Variants in IQCB1 observed in about 807,000 individuals in gnomAD.
IQCB1 encodes IQ calmodulin-binding motif-containing protein 1.
Under a neutral mutation model 84.4 loss-of-function variants are expected in IQCB1, and 56 were observed. The ratio of observed to expected loss-of-function variants is 0.66; its 90% CI spans 0.54 to 0.83. IQCB1 has a LOEUF of 0.83. Ranked by LOEUF, IQCB1 falls within the 40% of genes least tolerant of loss-of-function variation. The pLI is 0.00. For missense variants in IQCB1, 629 were observed against 682.1 expected, an observed-to-expected ratio of 0.92 and a Z score of 0.87; for synonymous variants, 210 against 234.8, an observed-to-expected ratio of 0.89 and a Z score of 0.96.
chr3:121,832,890 CTA>C (rs1332608825), intron 2 of IQCB1, among the ~76,000 whole-genome samples: 1 of 152,108 alleles, frequency 6.6e-6, no homozygotes, highest in Non-Finnish European at 1.5e-5. Flanking sequence ...CATAAGGTAA[CTA>C]GTTATGAATA....
In IQCB1 at chr3:121,828,481, T is replaced by C. The variant is rs200461388; in HGVS notation, c.252A>G (p.Thr84=). Residue 84 remains threonine (T), a synonymous_variant, in exon 4 of 15, where the codon ACA becomes ACG. Coordinates refer to ENST00000310864, the MANE Select transcript of IQCB1 (RefSeq NM_001023570.4). ...CTGCTTTATTTTACCTTAATATCTG[T>C]GTAAGCTGGGAAATTGTAGTCCAAC... ...QGGWTTISQL[T]QILSHCCVGL... The C allele has an allele frequency of 4.3e-6, 7 of 1,612,680 alleles. No individual in the cohort carries two copies. Among genetic ancestry groups the C allele is most frequent in the East Asian group, 2.2e-5 (1 of 44,796 alleles).
At chr3:121,780,605 T>C (rs1948429164) in intron 13 of IQCB1, among the ~76,000 whole-genome samples, 1 of 152,242 alleles carries the variant, frequency 6.6e-6, no homozygotes, top group South Asian at 2.1e-4. Context: ...AGACTAAGCT[T>C]TGCTATCCAA....
chr3:121,806,947 C>A (rs553160303), intron 7 of IQCB1, among the ~76,000 whole-genome samples: 24 of 152,018 alleles, frequency 1.6e-4, no homozygotes, highest in African/African-American at 5.3e-4. Flanking sequence ...TGTAAAAATA[C>A]CAAGCTTGAA....
chr3:121,803,833 T>G (rs1949503823), intron 7 of IQCB1, among the ~76,000 whole-genome samples: 1 of 152,206 alleles, frequency 6.6e-6, no homozygotes, highest in Non-Finnish European at 1.5e-5. Flanking sequence ...ACTTGTGTCT[T>G]TATATCTAAG....
rs149962093 is a variant in IQCB1, at chr3:121,785,708, A to G, written c.1278+2576T>C. On this transcript the variant is annotated intron_variant, in intron 12 of 14. Transcript: ENST00000310864. ...ATCAATATAAAAAAGTATTACTGAGATACTTTACACTTCTTTTTCATGCTA... is the reference window on the plus strand; with the variant it reads ...ATCAATATAAAAAAGTATTACTGAGGTACTTTACACTTCTTTTTCATGCTA... 2.0e-5 allele frequency among the ~76,000 whole-genome samples: 3 copies of G among 152,316 alleles called. No individual in the cohort carries two copies. The East Asian group carries it at 5.8e-4, about 29-fold the overall frequency.
rs753277425 is a variant in IQCB1 at position 121,835,021 on chromosome 3, A to G, written c.-157T>C. On this transcript the variant is annotated 5_prime_UTR_variant, in exon 1 of 15. Transcript: ENST00000310864. ...GAACCTGGGGCTCCCACGCCGCACT[A>G]CAGCGCCGCGGCCTTCCGGGGCAGC... 35 of 553,284 alleles carry G rather than the reference A, an allele frequency of 6.3e-5. No individual in the cohort carries two copies. The highest frequency in any genetic ancestry group is 9.8e-5 in the Non-Finnish European group (30 of 307,194). The allele number at this position is 553,284 out of a possible 1,614,324, so 34.3% of individuals were successfully genotyped here. A position where few individuals can be genotyped will look rare whatever the true frequency, so the allele number is the denominator to read the frequency against.
intron 5 of IQCB1, among the ~76,000 whole-genome samples, chr3:121,813,987 A>G (rs955522490): frequency 1.3e-5 from 2 of 152,200 alleles, no homozygotes; most frequent in South Asian, 2.1e-4. Context: ...TTAGCACCAC[A>G]TCGCACTTAT....
At position 121,819,737 on chromosome 3, in the gene IQCB1, C is replaced by T. The variant is rs533099966; in HGVS notation, c.393+6314G>A. The stretch of plus-strand genomic sequence containing the variant: ...TGAATGATTTTTACTCATGAGTAAT[C>T]TAACTCTATAGTGTTGCCATCCAAT... On this transcript the variant is annotated intron_variant, in intron 5 of 14. Coordinates refer to ENST00000310864, the MANE Select transcript of IQCB1 (RefSeq NM_001023570.4). Among the ~76,000 whole-genome samples the T allele has an allele frequency of 2.0e-5, 3 of 152,206 alleles. No homozygotes were observed. The East Asian group carries it at 5.8e-4, about 29-fold the overall frequency.
At chr3:121,809,488 T>C (rs1949742907) in intron 5 of IQCB1, among the ~76,000 whole-genome samples, 1 of 152,100 alleles carries the variant, frequency 6.6e-6, no homozygotes, top group Non-Finnish European at 1.5e-5. Flanking sequence ...GCATTATTAA[T>C]AGTGTATTTC....
chr3:121,831,869 A>C (rs577311418), intron 2 of IQCB1, among the ~76,000 whole-genome samples: 1 of 152,368 alleles, frequency 6.6e-6, no homozygotes, highest in East Asian at 1.9e-4. Flanking sequence ...AGTAGTCACA[A>C]AACTTTCAAA....
chr3:121,821,898 A>G (rs775090492), intron 5 of IQCB1, among the ~76,000 whole-genome samples: 1 of 152,228 alleles, frequency 6.6e-6, no homozygotes. Flanking sequence ...TAACATTTAA[A>G]TTTTTAGTCT....
intron 10 of IQCB1, among the ~76,000 whole-genome samples, chr3:121,793,203 C>G (rs1949062013): frequency 6.6e-6 from 1 of 152,176 alleles, no homozygotes; most frequent in African/African-American, 2.4e-5. Flanking sequence ...TGTGAGGTTT[C>G]TCTAAGATAA....
chr3:121,801,444 T>C (rs1281295853), intron 7 of IQCB1, among the ~76,000 whole-genome samples: 1 of 152,086 alleles, frequency 6.6e-6, no homozygotes, highest in African/African-American at 2.4e-5. Context: ...CAACTTCTTA[T>C]ATATTCCACA....
intron 5 of IQCB1, among the ~76,000 whole-genome samples, chr3:121,821,393 T>C (rs1950269397): frequency 6.6e-6 from 1 of 152,240 alleles, no homozygotes; most frequent in African/African-American, 2.4e-5. Context: ...TGCCCTCATA[T>C]TTCCAAATCT....
chr3:121,780,852 C>CTG (rs1269643708), intron 13 of IQCB1, among the ~76,000 whole-genome samples: 1 of 145,660 alleles, frequency 6.9e-6, no homozygotes, highest in Non-Finnish European at 1.5e-5. Flanking sequence ...GTGTGTGTAT[C>CTG]TGTGTGTGTG....
chr3:121,831,844 C>A (rs1950652103), intron 2 of IQCB1, among the ~76,000 whole-genome samples: 1 of 152,180 alleles, frequency 6.6e-6, no homozygotes, highest in Admixed American at 6.5e-5. Flanking sequence ...AAGCCCAGTG[C>A]AACTCCCGGC....
At chr3:121,783,890 C>A (rs1252463861) in intron 12 of IQCB1, among the ~76,000 whole-genome samples, 2 of 152,208 alleles carry the variant, frequency 1.3e-5, no homozygotes, top group South Asian at 4.1e-4. Flanking sequence ...GTATAGAATT[C>A]TAGTTGGAAA....
In IQCB1 at chr3:121,807,450, GAAAAGAAAAA is replaced by G; in HGVS notation, c.488-17_488-8del. On this transcript the variant is annotated splice_polypyrimidine_tract_variant and splice_region_variant and intron_variant, in intron 6 of 14. Coordinates refer to ENST00000310864, the MANE Select transcript of IQCB1 (RefSeq NM_001023570.4). Reference sequence around the variant, plus strand: ...AAATGATCACTTTGTAGTACTAAAGGAAAAGAAAAAAAAAGAAAGATTAAAGTAAAGATTT... The same window carrying G: ...AAATGATCACTTTGTAGTACTAAAGGAAAAGAAAGATTAAAGTAAAGATTT... The G allele has an allele frequency of 7.6e-7, 1 of 1,316,908 alleles. No individual in the cohort carries two copies. 81.6% of individuals were successfully genotyped at this position (1,316,908 alleles called of 1,614,324 possible). A position where few individuals can be genotyped will look rare whatever the true frequency, so the allele number is the denominator to read the frequency against.
intron 5 of IQCB1, among the ~76,000 whole-genome samples, chr3:121,820,393 A>G (rs1423284043): frequency 6.6e-6 from 1 of 152,120 alleles, no homozygotes; most frequent in East Asian, 1.9e-4. Context: ...GCCCAAATAC[A>G]TTGCATCTAT....
Sources: gnomAD v4.1 joint callset for allele counts (sites outside exome capture counted in the v4.1 genomes callset) on GRCh38, gnomAD v4.1.1 for gene constraint, MANE v1.5 for transcripts, NCBI Gene and HGNC (gene_info 2026-07-23, HGNC 2026-07-21) for gene names.